Variants in BAG6 observed in about 807,000 individuals in gnomAD.
The protein encoded by BAG6 is BAG cochaperone 6, also known as large proline-rich protein BAG6.
BAG6 carries 22 observed loss-of-function variants against 121.0 expected under a neutral mutation model. That is an observed-to-expected ratio of 0.18 (90% confidence interval 0.13 to 0.26). The LOEUF (loss-of-function observed/expected upper bound fraction) is 0.26, where lower values mean the gene tolerates loss of function less well. BAG6 is among the 10% of genes least tolerant of loss of function. BAG6 has a pLI of 1.00. For synonymous variants in BAG6, 583 were observed against 584.6 expected, an observed-to-expected ratio of 1.00 and a Z score of 0.04; for missense variants, 1,233 against 1,537.7, an observed-to-expected ratio of 0.80 and a Z score of 3.31.
At position 31,641,251 on chromosome 6, in the gene BAG6, G is replaced by A. The variant is rs1490717536; in HGVS notation, c.2663-23C>T. 1 of 1,614,004 alleles carries A rather than the reference G, an allele frequency of 6.2e-7. No individual in the cohort carries two copies. Among genetic ancestry groups the A allele is most frequent in the Non-Finnish European group, 8.5e-7 (1 of 1,179,962 alleles). On this transcript the variant is annotated intron_variant, in intron 19 of 25. Transcript: ENST00000676615. This position sits in a 1 kb window ranked among gnomAD's most constrained non-coding sequence, Gnocchi z 5.7. ...TATCTGTGGGCAAAATACAAGGAGG[G>A]AATGCTGGCACGTGGCAGCCCTGCA...
At chr6:31,639,422 G>A (rs1305944784) in intron 25 of BAG6, 78 bp downstream of exon 25, 25 of 1,554,780 alleles carry the variant, frequency 1.6e-5, no homozygotes, top group East Asian at 2.3e-5. Context: ...CCAGTTCATC[G>A]CTGAAGGGAT....
Position 31,640,318 on chromosome 6 carries a change from A to G in BAG6, c.3139-12T>C. 6.2e-7 allele frequency: 1 copy of G among 1,614,184 alleles called. No individual in the cohort carries two copies. Among genetic ancestry groups the G allele is most frequent in the Non-Finnish European group, 8.5e-7 (1 of 1,180,022 alleles). ...ATAGGGACCCATTCCTGGGGAGGAA[A>G]AGAGAAAATAGTAATGTCCTTGACT... On this transcript the variant is annotated splice_polypyrimidine_tract_variant and intron_variant, in intron 23 of 25. Transcript: ENST00000676615. This position sits in a 1 kb window ranked among gnomAD's most constrained non-coding sequence, Gnocchi z 4.2.
In BAG6 at chr6:31,640,825, G is replaced by A. The variant is rs754070310; in HGVS notation, c.2901C>T (p.Leu967=). The change falls in exon 21 of 26, where the codon CTC becomes CTT. Residue 967 remains leucine (L), a synonymous_variant. Transcript: ENST00000676615. This position sits in a 1 kb window ranked among gnomAD's most constrained non-coding sequence, Gnocchi z 4.2. Reference sequence around the variant, plus strand: ...GATCACCAACCCTGCGAACGTATCTGAGAATGGCATCAGGGCCTACAGGCA... The same window carrying A: ...GATCACCAACCCTGCGAACGTATCTAAGAATGGCATCAGGGCCTACAGGCA... ...EHMPVGPDAI[L]RYVRRVGDPP... 1.9e-6 allele frequency: 3 copies of A among 1,612,720 alleles called. No individual in the cohort carries two copies. Among genetic ancestry groups the A allele is most frequent in the Non-Finnish European group, 2.5e-6 (3 of 1,180,026 alleles).
Position 31,652,487 on chromosome 6 carries a change from G to C in BAG6, c.-77C>G, listed in dbSNP as rs1453417446. 1 of 152,280 alleles carries C rather than the reference G, an allele frequency of 6.6e-6. No homozygotes were observed. The highest frequency in any genetic ancestry group is 2.4e-5 in the African/African-American group (1 of 41,418). The allele number at this position is 152,280 out of a possible 1,614,324, so 9.4% of individuals were successfully genotyped here. A position where few individuals can be genotyped will look rare whatever the true frequency, so the allele number is the denominator to read the frequency against. On this transcript the variant is annotated 5_prime_UTR_variant, in exon 1 of 26. Coordinates refer to ENST00000676615, the MANE Select transcript of BAG6 (RefSeq NM_001387994.1). Reference sequence around the variant, plus strand: ...TGGGGATCTCGAAGCGATACTTCCGGCTCCCCCCAGGTCCCCAAGCTTTAC... The same window carrying C: ...TGGGGATCTCGAAGCGATACTTCCGCCTCCCCCCAGGTCCCCAAGCTTTAC...
Position 31,640,921 on chromosome 6 carries a change from C to G in BAG6, c.2805G>C (p.Gly935=). Residue 935 remains glycine, a synonymous_variant, in exon 21 of 26, where the codon GGG becomes GGC. Transcript: ENST00000676615. The surrounding 1 kb of genome is among the most constrained non-coding windows in gnomAD (Gnocchi z 4.2). The part of the protein sequence containing the change: ...INGRIRRMSR[G]VNPSLVSWLT... The stretch of plus-strand genomic sequence containing the variant: ...GCCAGCTCACCAAGGAGGGATTCAC[C>G]CCACGAGACATACGACGCTGAGGGA... 6.2e-7 allele frequency: 1 copy of G among 1,612,656 alleles called. No individual in the cohort carries two copies. The highest frequency in any genetic ancestry group is 8.5e-7 in the Non-Finnish European group (1 of 1,179,924).
At chr6:31,643,741 A>AC (rs1785489621) in intron 14 of BAG6, 149 bp downstream of exon 14, 1 of 622,788 alleles carries the variant, frequency 1.6e-6, no homozygotes, top group Admixed American at 3.3e-5. Flanking sequence ...AAAAAAAAAA[A>AC]AAAAAGCTGA....
chr6:31,644,565 G>A lies in BAG6; in HGVS notation c.1407C>T (p.Pro469=). 6.2e-7 allele frequency: 1 copy of A among 1,612,606 alleles called. No individual in the cohort carries two copies. The change falls in exon 11 of 26, where the codon CCC becomes CCT. Residue 469 remains proline, a synonymous_variant. Transcript: ENST00000676615. The surrounding 1 kb of genome is among the most constrained non-coding windows in gnomAD (Gnocchi z 4.9). ...GTQPGGVPSA[P]TGPLGPPGHG... ...GACCAGGGGGTCCCAGGGGGCCAGT[G>A]GGAGCACTCGGAACACCACCAGGCT...
At chr6:31,647,860 A>G in intron 6 of BAG6, 34 bp from the exon 7 acceptor site, 1 of 1,510,640 alleles carries the variant, frequency 6.6e-7, no homozygotes, top group South Asian at 1.4e-5. Context: ...TACCAAAGGC[A>G]GGGTAAGACT....
intron 15 of BAG6, 160 bp from the exon 16 acceptor site, chr6:31,642,563 CAG>C (rs1367703841): frequency 4.8e-6 from 3 of 629,532 alleles, no homozygotes; most frequent in Admixed American, 2.9e-5. Flanking sequence ...AGGTATTTAA[CAG>C]AGTCAGGCAG....
Position 31,645,521 on chromosome 6 carries a change from C to G in BAG6, c.1002G>C (p.Leu334=), listed in dbSNP as rs751961660. The G allele has an allele frequency of 7.4e-6, 12 of 1,613,016 alleles. No individual in the cohort carries two copies. Among genetic ancestry groups the G allele is most frequent in the Non-Finnish European group, 1.0e-5 (12 of 1,180,044 alleles). ...AGGCCAGATTGCAGCGCAGGTCAGA[C>G]AGTGCAACAAAGGTGTTGCCCAGCA... is the stretch of plus-strand genomic sequence containing the variant. ...LRLLGNTFVA[L]SDLRCNLACT... Residue 334 remains leucine (L), a synonymous_variant, in exon 9 of 26, where the codon CTG becomes CTC. Transcript: ENST00000676615.
Position 31,641,469 on chromosome 6 carries a change from A to G in BAG6, c.2560-47T>C. 1 of 1,613,934 alleles carries G rather than the reference A, an allele frequency of 6.2e-7. No homozygotes were observed. The highest frequency in any genetic ancestry group is 8.5e-7 in the Non-Finnish European group (1 of 1,179,788). On this transcript the variant is annotated intron_variant, in intron 18 of 25. Transcript: ENST00000676615. The surrounding 1 kb of genome is among the most constrained non-coding windows in gnomAD (Gnocchi z 5.7). The stretch of plus-strand genomic sequence containing the variant: ...AGATCCCAAAATCAAGAATCATAAG[A>G]CTGGGAGTGGAGGAGGCAGCTGCCT...
chr6:31,642,214 A>G lies in BAG6; in HGVS notation c.2233T>C (p.Ser745Pro). 1 of 1,612,888 alleles carries G rather than the reference A, an allele frequency of 6.2e-7. No individual in the cohort carries two copies. The highest frequency in any genetic ancestry group is 1.1e-5 in the South Asian group (1 of 91,072). ...VQGVLSSLLG[S>P]LGARAGSSES... ...CTGCTGCCAGCCCGAGCCCCCAGGG[A>G]GCCCAGCAGGGAGCTGAGCACACCC... is the stretch of plus-strand genomic sequence containing the variant. Residue 745 changes from serine (S) to proline (P), a missense_variant, in exon 16 of 26, where the codon TCC becomes CCC. By Grantham distance (74) the Ser-to-Pro change is moderately conservative. Coordinates refer to ENST00000676615, the MANE Select transcript of BAG6 (RefSeq NM_001387994.1).
chr6:31,652,362 C>CACACACACAA (rs1798410704), intron 1 of BAG6, 62 bp downstream of exon 1: 1 of 152,562 alleles, frequency 6.6e-6, no homozygotes, highest in Admixed American at 6.6e-5. Context: ...CACACACACC[C>CACACACACAA]ACCACCCCGC....
Position 31,641,417 on chromosome 6 carries a change from C to T in BAG6, c.2565G>A (p.Leu855=), listed in dbSNP as rs1782581089. 1 of 1,614,202 alleles carries T rather than the reference C, an allele frequency of 6.2e-7. No homozygotes were observed. Among genetic ancestry groups the T allele is most frequent in the African/African-American group, 1.3e-5 (1 of 75,042 alleles). ...LEEYVRESFS[L]VQVQPGVDII... Reference sequence around the variant, plus strand: ...TGTCCACACCTGGCTGAACCTGCACCAAGGACTGAGAGACAAGATAACACA... The same window carrying T: ...TGTCCACACCTGGCTGAACCTGCACTAAGGACTGAGAGACAAGATAACACA... The change falls in exon 19 of 26, where the codon TTG becomes TTA. Residue 855 remains leucine, a synonymous_variant. Transcript: ENST00000676615. This position sits in a 1 kb window ranked among gnomAD's most constrained non-coding sequence, Gnocchi z 5.7.
At chr6:31,643,254 G>GA (rs370688781) in intron 14 of BAG6, 139 bp from the exon 15 acceptor site, 31,744 of 504,582 alleles carry the variant, frequency 0.063, 5 homozygotes, top group South Asian at 0.081. Context: ...ATCTCTACCA[G>GA]AAAAAAAAAA....
Position 31,644,161 on chromosome 6 carries a change from G to C in BAG6, c.1589C>G (p.Thr530Ser). 1 of 1,613,940 alleles carries C rather than the reference G, an allele frequency of 6.2e-7. No individual in the cohort carries two copies. The highest frequency in any genetic ancestry group is 8.5e-7 in the Non-Finnish European group (1 of 1,179,956). Residue 530 changes from threonine to serine, a missense_variant, in exon 13 of 26, where the codon ACC becomes AGC. Transcript: ENST00000676615. The surrounding 1 kb of genome is among the most constrained non-coding windows in gnomAD (Gnocchi z 4.9). The part of the protein sequence containing the change: ...QQVPGFPTAP[T>S]RVVIARPTPP... ...AGTGGGCCGGGCAATCACCACCCGG[G>C]TTGGAGCTGTTGGGAAGCCTGGCAC... is the stretch of plus-strand genomic sequence containing the variant.
chr6:31,650,923 T>A (rs1795942218), intron 2 of BAG6, among the ~76,000 whole-genome samples: 2 of 152,286 alleles, frequency 1.3e-5, no homozygotes, highest in Non-Finnish European at 2.9e-5. Flanking sequence ...AAATTAGTAA[T>A]TTCACTCAAC....
Position 31,639,909 on chromosome 6 carries a change from C to T in BAG6, c.3247-263G>A, listed in dbSNP as rs527279545. On this transcript the variant is annotated intron_variant, in intron 24 of 25. Transcript: ENST00000676615. ...GGGTCAAGCCATCCGGGATTCAGAGCTAGGTAATCCACAAGAGGAAACCCA... is the reference window on the plus strand; with the variant it reads ...GGGTCAAGCCATCCGGGATTCAGAGTTAGGTAATCCACAAGAGGAAACCCA... 6 of 615,376 alleles carry T rather than the reference C, an allele frequency of 9.8e-6. No individual in the cohort carries two copies. In the South Asian group the frequency reaches 1.0e-4, roughly 11 times the overall value. 38.1% of individuals were successfully genotyped at this position (615,376 alleles called of 1,614,324 possible).
intron 2 of BAG6, among the ~76,000 whole-genome samples, chr6:31,650,350 AAAGACTAAG>A (rs1188983480): frequency 1.3e-5 from 2 of 152,042 alleles, no homozygotes; most frequent in African/African-American, 4.8e-5. Flanking sequence ...GTTAATGAAG[AAAGACTAAG>A]AAGATAAGAA....
Sources: gnomAD v4.1 joint callset for allele counts (sites outside exome capture counted in the v4.1 genomes callset) on GRCh38, gnomAD v4.1.1 for gene constraint, Gnocchi (gnomAD v3.1) non-coding constraint, MANE v1.5 for transcripts, NCBI Gene and HGNC (gene_info 2026-07-23, HGNC 2026-07-21) for gene names.